ZAN: variants seen among roughly 807,000 people sequenced by gnomAD.
ZAN encodes zonadhesin, also known as zonadhesin (gene/pseudogene).
ZAN carries 260 observed loss-of-function variants against 286.2 expected under a neutral mutation model. The observed-to-expected ratio is 0.91, with a 90% CI of 0.82 to 1.01. The LOEUF is 1.01. Among genes scored for constraint, ZAN ranks in the 50% least tolerant of loss-of-function variants. The pLI, the probability that ZAN is intolerant of heterozygous loss-of-function variation, is 0.00. For missense variants in ZAN, 3,410 were observed against 3,639.2 expected (o/e 0.94, Z 1.62); for synonymous variants, 1,368 against 1,417.5 (o/e 0.97, Z 0.79).
At chr7:100,793,701 G>A in intron 42 of ZAN, 119 bp from the exon 43 acceptor site, 2 of 1,093,634 alleles carry the variant, frequency 1.8e-6, no homozygotes, top group Non-Finnish European at 2.6e-6. Flanking sequence ...TCCTCCCAAA[G>A]TGCTGGGATT....
intron 31 of ZAN, among the ~76,000 whole-genome samples, chr7:100,774,251 T>C (rs1307757941): frequency 6.6e-6 from 1 of 151,896 alleles, no homozygotes; most frequent in African/African-American, 2.4e-5. Context: ...TAGCCTATAA[T>C]CCCAGCTACT....
chr7:100,770,495 C>T (rs181178544), intron 28 of ZAN, among the ~76,000 whole-genome samples: 1,262 of 92,146 alleles, frequency 0.014, 20 homozygotes, highest in African/African-American at 0.05. Flanking sequence ...CAGAGTGAGA[C>T]TCTGTCTCAA....
At chr7:100,784,533 T>C in intron 35 of ZAN, 90 bp from the exon 36 acceptor site, 1 of 1,309,416 alleles carries the variant, frequency 7.6e-7, no homozygotes, top group South Asian at 1.4e-5. Context: ...GCCTTGTTGG[T>C]CATCCACCCA....
chr7:100,742,883 G>GGGGGAA, intron 7 of ZAN, among the ~76,000 whole-genome samples: 1 of 49,752 alleles, frequency 2.0e-5, no homozygotes, highest in South Asian at 8.2e-4. Flanking sequence ...GGGAGAGGGA[G>GGGGGAA]GGGGAGGGGG....
Position 100,750,661 on chromosome 7 carries a change from C to T in ZAN, c.1286C>T (p.Ser429Phe), listed in dbSNP as rs1468255709. The T allele has an allele frequency of 1.2e-6, 2 of 1,613,382 alleles. No homozygotes were observed. The highest frequency in any genetic ancestry group is 1.7e-6 in the Non-Finnish European group (2 of 1,179,718). The stretch of plus-strand genomic sequence containing the variant: ...ATCTACCTTGAGGCTGACGAGTTCT[C>T]CCAGGCAGGCCAGTCAGTCAGACTG... Reference protein sequence around the residue: ...HYIYLEADEFSQAGQSVRLVS... With the variant: ...HYIYLEADEFFQAGQSVRLVS... The change falls in exon 12 of 48, where the codon TCC becomes TTC. Residue 429 changes from serine to phenylalanine, a missense_variant. By Grantham distance (155) the Ser-to-Phe change is radical (BLOSUM62 -2). This residue lies in a region of ZAN where 872 missense variants were observed against 938.9 expected (regional missense o/e 0.93). Coordinates refer to ENST00000613979, the MANE Select transcript of ZAN (RefSeq NM_003386.3).
At chr7:100,749,177 A>T (rs1808433759) in intron 11 of ZAN, among the ~76,000 whole-genome samples, 1 of 151,214 alleles carries the variant, frequency 6.6e-6, no homozygotes, top group African/African-American at 2.4e-5. Flanking sequence ...TGACTCCACT[A>T]AAAAAAATGT....
chr7:100,779,301 A>G, intron 34 of ZAN, 145 bp from the exon 35 acceptor site: 1 of 801,838 alleles, frequency 1.2e-6, no homozygotes, highest in East Asian at 2.7e-5. Context: ...TGAACATGGG[A>G]GGGAAGGCAG....
At chr7:100,793,352 T>A (rs947225541) in intron 42 of ZAN, among the ~76,000 whole-genome samples, 3 of 151,368 alleles carry the variant, frequency 2.0e-5, no homozygotes, top group South Asian at 2.1e-4. Flanking sequence ...AAAAAAAATT[T>A]AAAAAAATAA....
intron 3 of ZAN, 109 bp from the exon 4 acceptor site, chr7:100,736,374 C>T: frequency 7.9e-7 from 1 of 1,261,348 alleles, no homozygotes. Context: ...CGGCTGATTT[C>T]ATGGCAGCTT....
At chr7:100,753,544 C>T (rs1007075202) in intron 14 of ZAN, among the ~76,000 whole-genome samples, 12 of 152,010 alleles carry the variant, frequency 7.9e-5, no homozygotes, top group South Asian at 6.2e-4. Context: ...AATTCTAGGC[C>T]GGGCACGGTA....
Position 100,792,131 on chromosome 7 carries a change from CCCAGAGCCCT to C in ZAN, c.7696_7705del (p.Pro2566SerfsTer100). On this transcript the variant is annotated frameshift_variant, in exon 41 of 48. Coordinates refer to ENST00000613979, the MANE Select transcript of ZAN (RefSeq NM_003386.3). LOFTEE classifies it high-confidence loss of function. ...TTGCTGCCTGTCACCAGACGGTGGCCCCAGAGCCCTTCCAAGAGTGAGTCATGGGCCCAGG... is the reference window on the plus strand; with the variant it reads ...TTGCTGCCTGTCACCAGACGGTGGCCTCCAAGAGTGAGTCATGGGCCCAGG... 3 of 1,609,604 alleles carry C rather than the reference CCCAGAGCCCT, an allele frequency of 1.9e-6. No individual in the cohort carries two copies. Among genetic ancestry groups the C allele is most frequent in the African/African-American group, 1.3e-5 (1 of 74,948 alleles).
chr7:100,776,881 C>T (rs1343201010), intron 34 of ZAN, among the ~76,000 whole-genome samples: 41 of 146,638 alleles, frequency 2.8e-4, no homozygotes, highest in African/African-American at 5.5e-4. Flanking sequence ...TACAGGCGCC[C>T]GCCACCGCGC....
chr7:100,737,410 C>A, intron 6 of ZAN, 61 bp downstream of exon 6: 1 of 1,201,554 alleles, frequency 8.3e-7, no homozygotes, highest in Non-Finnish European at 1.2e-6. Context: ...CCTTGCACAA[C>A]AAGAAGAGGA....
intron 27 of ZAN, among the ~76,000 whole-genome samples, chr7:100,769,157 G>C (rs1231773296): frequency 6.6e-6 from 1 of 151,066 alleles, no homozygotes; most frequent in Non-Finnish European, 1.5e-5. Flanking sequence ...GCAGTGGCAC[G>C]ATCTCAGCTC....
Position 100,775,616 on chromosome 7 carries a change from G to C in ZAN, c.6027+41G>C, listed in dbSNP as rs375874244. On this transcript the variant is annotated intron_variant, in intron 32 of 47. Coordinates refer to ENST00000613979, the MANE Select transcript of ZAN (RefSeq NM_003386.3). Reference sequence around the variant, plus strand: ...TGACCGGGGCTGGGAGGGAGTGCTGGGGAGGGGACTCTTGTCCCTGCTCCT... The same window carrying C: ...TGACCGGGGCTGGGAGGGAGTGCTGCGGAGGGGACTCTTGTCCCTGCTCCT... 5.0e-6 allele frequency: 8 copies of C among 1,611,106 alleles called. No individual in the cohort carries two copies. The African/African-American group carries it at 9.4e-5, about 19-fold the overall frequency.
At chr7:100,794,093 TCTC>T (rs1812185733) in intron 43 of ZAN, 24 bp from the exon 44 acceptor site, 1 of 1,613,828 alleles carries the variant, frequency 6.2e-7, no homozygotes, top group African/African-American at 1.3e-5. Context: ...AACTGGAACG[TCTC>T]CTCCTGGCCC....
rs867995840 is a variant in ZAN, at chr7:100,781,065, T to A, written c.6622+1315T>A. Among the ~76,000 whole-genome samples, 83 of 152,096 alleles carry A rather than the reference T, an allele frequency of 5.5e-4. 2 individuals carry two copies. The highest frequency in any genetic ancestry group is 2.9e-4 in the Non-Finnish European group (20 of 68,022). On this transcript the variant is annotated intron_variant, in intron 35 of 47. Coordinates refer to ENST00000613979, the MANE Select transcript of ZAN (RefSeq NM_003386.3). ...ATAAGAAGGTTTATTTTATTTATTT[T>A]TTTATTTTATATATATTTTTTGAGA...
chr7:100,746,820 C>T, intron 8 of ZAN, 118 bp downstream of exon 8: 2 of 1,229,450 alleles, frequency 1.6e-6, no homozygotes, highest in South Asian at 3.0e-5. Flanking sequence ...ATGTGCGAGA[C>T]TATTCCATGA....
chr7:100,750,968 C>A, intron 12 of ZAN, 72 bp downstream of exon 12: 2 of 1,508,390 alleles, frequency 1.3e-6, no homozygotes, highest in Admixed American at 4.5e-5. Flanking sequence ...GGGGCGCCAC[C>A]AGTGCTGAAG....
Sources: allele counts gnomAD v4.1 joint callset (sites outside exome capture counted in the v4.1 genomes callset), GRCh38; gene constraint gnomAD v4.1.1; regional missense constraint gnomAD v4.1.1; transcripts MANE v1.5; gene names NCBI Gene and HGNC (gene_info 2026-07-23, HGNC 2026-07-21).